The following OTULINL variants were observed in gnomAD, a reference collection of about 807,000 sequenced individuals.
OTULINL encodes the protein inactive ubiquitin thioesterase OTULINL.
A neutral mutation model predicts 43.9 loss-of-function variants in OTULINL; 42 were observed. The observed-to-expected ratio is 0.96, with a 90% CI of 0.75 to 1.24. The LOEUF is 1.24. OTULINL is among the 50% of genes most tolerant of loss of function. The pLI, the probability that OTULINL is intolerant of heterozygous loss-of-function variation, is 0.00. For missense variants in OTULINL, 411 were observed against 426.4 expected, an observed-to-expected ratio of 0.96 and a Z score of 0.32; for synonymous variants, 172 against 153.6, an observed-to-expected ratio of 1.12 and a Z score of -0.88.
intron 3 of OTULINL, 49 bp downstream of exon 3, chr5:14,601,293 G>A: frequency 6.2e-7 from 1 of 1,609,946 alleles, no homozygotes; most frequent in Non-Finnish European, 8.5e-7. Flanking sequence ...TGCAGAGAGG[G>A]TTCAAGAAGG....
intron 7 of OTULINL, 57 bp from the exon 8 acceptor site, chr5:14,610,084 C>G (rs1409735882): frequency 6.7e-7 from 1 of 1,494,284 alleles, no homozygotes; most frequent in African/African-American, 1.4e-5. Flanking sequence ...CCCACCGTGG[C>G]GGGAGGCAGG....
intron 5 of OTULINL, among the ~76,000 whole-genome samples, chr5:14,603,803 A>G (rs555963448): frequency 2.7e-4 from 41 of 152,316 alleles, no homozygotes; most frequent in South Asian, 1.9e-3. Context: ...ATTCTTGATA[A>G]GTAACCTGAG....
chr5:14,590,902 G>C (rs759685767), intron 1 of OTULINL, among the ~76,000 whole-genome samples: 2 of 152,188 alleles, frequency 1.3e-5, no homozygotes, highest in South Asian at 4.1e-4. Context: ...GCCATGGAAA[G>C]AGTTTTACAT....
chr5:14,597,274 G>A (rs1579920893), intron 1 of OTULINL, among the ~76,000 whole-genome samples: 1 of 152,258 alleles, frequency 6.6e-6, no homozygotes, highest in African/African-American at 2.4e-5. Context: ...ATCCTGCTGT[G>A]CCTCCTGTGT....
chr5:14,596,369 A>G (rs994139818), intron 1 of OTULINL, among the ~76,000 whole-genome samples: 15 of 152,236 alleles, frequency 9.9e-5, no homozygotes, highest in Admixed American at 5.9e-4. Context: ...GGGGACCCCT[A>G]TGAACCTTCT....
At chr5:14,598,822 C>T (rs1393355764) in intron 1 of OTULINL, among the ~76,000 whole-genome samples, 2 of 152,162 alleles carry the variant, frequency 1.3e-5, no homozygotes, top group African/African-American at 4.8e-5. Flanking sequence ...AGATGTCCAA[C>T]TTTTATAATG....
chr5:14,584,911 C>A (rs990318643), intron 1 of OTULINL, among the ~76,000 whole-genome samples: 2 of 152,160 alleles, frequency 1.3e-5, no homozygotes, highest in African/African-American at 4.8e-5. Flanking sequence ...CAGGTAATCA[C>A]TAGGCAGGCA....
In OTULINL at chr5:14,613,164, C is replaced by T. The variant is rs915897175; in HGVS notation, c.*2850C>T. Among the ~76,000 whole-genome samples, 3 of 152,172 alleles carry T rather than the reference C, an allele frequency of 2.0e-5. No homozygotes were observed. Among genetic ancestry groups the T allele is most frequent in the Non-Finnish European group, 4.4e-5 (3 of 68,026 alleles). On this transcript the variant is annotated 3_prime_UTR_variant, in exon 8 of 8. Coordinates refer to ENST00000274217, the MANE Select transcript of OTULINL (RefSeq NM_019018.3). ...TCTGAACTCCTGACCTTGGGCGATC[C>T]GCCTACCTCGGCATCCCAAAGTGCT...
intron 1 of OTULINL, among the ~76,000 whole-genome samples, chr5:14,595,640 C>CTTTTTTTTTTTTTTTTTTTTTT (rs61482298): frequency 1.8e-5 from 1 of 57,094 alleles, no homozygotes; most frequent in Non-Finnish European, 3.1e-5. Context: ...AAAAACGGTG[C>CTTTTTTTTTTTTTTTTTTTTTT]TTTTTTTTTT....
At chr5:14,590,157 G>A (rs1759175468) in intron 1 of OTULINL, among the ~76,000 whole-genome samples, 1 of 152,160 alleles carries the variant, frequency 6.6e-6, no homozygotes, top group Admixed American at 6.6e-5. Context: ...TCTCCTAATG[G>A]TAACTTTGGA....
intron 5 of OTULINL, among the ~76,000 whole-genome samples, chr5:14,606,808 C>T (rs1469751719): frequency 6.6e-6 from 1 of 152,150 alleles, no homozygotes; most frequent in Non-Finnish European, 1.5e-5. Context: ...TCTATGGACA[C>T]AATTCTATGT....
chr5:14,601,360 G>T lies in OTULINL; in HGVS notation c.266G>T (p.Ser89Ile). 1 of 1,614,106 alleles carries T rather than the reference G, an allele frequency of 6.2e-7. No homozygotes were observed. The highest frequency in any genetic ancestry group is 2.2e-5 in the East Asian group (1 of 44,886). The change falls in exon 4 of 8, where the codon AGT (serine) becomes ATT (isoleucine). Residue 89 changes from serine to isoleucine, a missense_variant. Physicochemically the swap from Ser to Ile is moderately radical, Grantham distance 142. Coordinates refer to ENST00000274217, the MANE Select transcript of OTULINL (RefSeq NM_019018.3). ...YLQRKFKRNL[S>I]VEAEVDLLSY... is the part of the protein sequence containing the mutation. ...TTTTTATTTGGTCCAGGGAACCTCA[G>T]TGTGGAGGCAGAGGTTGATTTACTC... is the stretch of plus-strand genomic sequence containing the variant.
At chr5:14,592,246 G>A (rs1220363688) in intron 1 of OTULINL, among the ~76,000 whole-genome samples, 3 of 152,156 alleles carry the variant, frequency 2.0e-5, no homozygotes, top group Admixed American at 1.3e-4. Flanking sequence ...CCAGGACCAC[G>A]AAGAGACTCC....
chr5:14,583,915 C>T (rs1204166764), intron 1 of OTULINL, among the ~76,000 whole-genome samples: 1 of 152,046 alleles, frequency 6.6e-6, no homozygotes, highest in Non-Finnish European at 1.5e-5. Flanking sequence ...TTGATTTTTA[C>T]TATTTCTTCT....
chr5:14,592,837 A>C (rs1005018087), intron 1 of OTULINL, among the ~76,000 whole-genome samples: 11 of 152,176 alleles, frequency 7.2e-5, no homozygotes, highest in Non-Finnish European at 1.2e-4. Flanking sequence ...TCAGTTAAAC[A>C]TCAGCCTCTT....
At position 14,595,562 on chromosome 5, in the gene OTULINL, G is replaced by C. The variant is rs556280073; in HGVS notation, c.65-5403G>C. On this transcript the variant is annotated intron_variant, in intron 1 of 7. Coordinates refer to ENST00000274217, the MANE Select transcript of OTULINL (RefSeq NM_019018.3). Reference sequence around the variant, plus strand: ...TATTTGGTTTCCTGTTTTAATGTTTGAATTACTTCAGCTTTGGTATATTGT... The same window carrying C: ...TATTTGGTTTCCTGTTTTAATGTTTCAATTACTTCAGCTTTGGTATATTGT... Among the ~76,000 whole-genome samples, 9 of 138,896 alleles carry C rather than the reference G, an allele frequency of 6.5e-5. No individual in the cohort carries two copies. The East Asian group carries it at 2.0e-3, about 31-fold the overall frequency. The allele number at this position is 138,896 out of a possible 152,430, so 91.1% of individuals were successfully genotyped here. A position where few individuals can be genotyped will look rare whatever the true frequency, so the allele number is the denominator to read the frequency against.
Position 14,602,305 on chromosome 5 carries a change from A to C in OTULINL, c.471A>C (p.Ser157=), listed in dbSNP as rs755313253. ...QIFSQGISFP[S]WMKEKDIVKL... The stretch of plus-strand genomic sequence containing the variant: ...TCAGCCAGGGCATCTCTTTTCCATC[A>C]TGGATGAAAGAAAAGGACATTGTTA... The change falls in exon 5 of 8, where the codon TCA becomes TCC. Residue 157 remains serine (S), a synonymous_variant. Transcript: ENST00000274217. 4 of 1,613,786 alleles carry C rather than the reference A, an allele frequency of 2.5e-6. No homozygotes were observed. The Admixed American group carries it at 6.7e-5, about 27-fold the overall frequency.
chr5:14,610,178 A>G lies in OTULINL; in HGVS notation c.935A>G (p.Lys312Arg). ...ATACTTGGATACTCCCTTGAAGTAA[A>G]GATAAAAGTGTTCAGACTGTTCAAG... is the stretch of plus-strand genomic sequence containing the variant. ...MFILGYSLEV[K>R]IKVFRLFKFN... Residue 312 changes from lysine to arginine, a missense_variant, in exon 8 of 8, where the codon AAG becomes AGG. Physicochemically the swap from Lys to Arg is conservative, Grantham distance 26. Coordinates refer to ENST00000274217, the MANE Select transcript of OTULINL (RefSeq NM_019018.3). The G allele has an allele frequency of 6.2e-7, 1 of 1,614,088 alleles. No homozygotes were observed. Among genetic ancestry groups the G allele is most frequent in the East Asian group, 2.2e-5 (1 of 44,878 alleles).
chr5:14,604,850 C>G (rs1759445575), intron 5 of OTULINL, among the ~76,000 whole-genome samples: 1 of 152,220 alleles, frequency 6.6e-6, no homozygotes, highest in Non-Finnish European at 1.5e-5. Context: ...TGTGGCTTTG[C>G]AGGGTACAGC....
Sources: gnomAD v4.1 joint callset for allele counts (sites outside exome capture counted in the v4.1 genomes callset) on GRCh38, gnomAD v4.1.1 for gene constraint, MANE v1.5 for transcripts, NCBI Gene and HGNC (gene_info 2026-07-23, HGNC 2026-07-21) for gene names.